Variants in DIP2A observed in about 807,000 individuals in gnomAD.
The protein encoded by DIP2A is DIP2 acetate--CoA ligase A.
In DIP2A, 85 loss-of-function variants were observed where a neutral mutation model predicts 177.4. The observed-to-expected ratio is 0.48, with a 90% confidence interval of 0.40 to 0.57. The LOEUF is 0.57. DIP2A is among the 20% of genes least tolerant of loss of function. The pLI, the probability that DIP2A is intolerant of heterozygous loss-of-function variation, is 0.00. For synonymous variants in DIP2A, 886 were observed against 881.8 expected, an observed-to-expected ratio of 1.00 and a Z score of -0.08; for missense variants, 1,791 against 2,100.2, an observed-to-expected ratio of 0.85 and a Z score of 2.88.
chr21:46,473,156 G>A (rs2055542623), intron 1 of DIP2A, among the ~76,000 whole-genome samples: 1 of 152,154 alleles, frequency 6.6e-6, no homozygotes, highest in Non-Finnish European at 1.5e-5. Flanking sequence ...ACAAAGGAGA[G>A]AAAATGAGCA....
chr21:46,482,178 A>G (rs2056386614), intron 1 of DIP2A, among the ~76,000 whole-genome samples: 3 of 152,262 alleles, frequency 2.0e-5, no homozygotes, highest in African/African-American at 7.2e-5. Flanking sequence ...CCAGTCAGGA[A>G]TGAAAGAGGC....
chr21:46,495,254 C>CTTCTT (rs2057286282), intron 3 of DIP2A, among the ~76,000 whole-genome samples: 4 of 106,662 alleles, frequency 3.8e-5, no homozygotes, highest in African/African-American at 2.4e-4. Context: ...TTCTCTCTCT[C>CTTCTT]TCTCTCTCTC....
Position 46,459,070 on chromosome 21 carries a change from G to A in DIP2A, c.-62G>A. 1 of 1,349,876 alleles carries A rather than the reference G, an allele frequency of 7.4e-7. No homozygotes were observed. 83.6% of individuals were successfully genotyped at this position (1,349,876 alleles called of 1,614,324 possible). A position where few individuals can be genotyped will look rare whatever the true frequency, so the allele number is the denominator to read the frequency against. On this transcript the variant is annotated 5_prime_UTR_variant, in exon 1 of 38. Coordinates refer to ENST00000417564, the MANE Select transcript of DIP2A (RefSeq NM_015151.4). ...GAGGGGAGCTACGTAGCCGAGGTTT[G>A]CGCTGCCGCCGCCAGGCCCGGTCCG...
chr21:46,529,029 A>G (rs1421094341), intron 8 of DIP2A, 63 bp from the exon 9 acceptor site: 1 of 1,125,490 alleles, frequency 8.9e-7, no homozygotes, highest in South Asian at 1.6e-5. Flanking sequence ...TGGTTTCTAC[A>G]TTAAAATGTT....
chr21:46,549,914 G>A lies in DIP2A; in HGVS notation c.2637+29G>A, dbSNP rs201345375. 2,562 of 1,606,596 alleles carry A rather than the reference G, an allele frequency of 1.6e-3. 2 individuals carry two copies. The highest frequency in any genetic ancestry group is 1.8e-3 in the Non-Finnish European group (2,064 of 1,179,382). Reference sequence around the variant, plus strand: ...GGCGCCCCGGCACGGCCTATGGTTCGGTGAATCTCCCAAGCTGGCACCCCC... The same window carrying A: ...GGCGCCCCGGCACGGCCTATGGTTCAGTGAATCTCCCAAGCTGGCACCCCC... On this transcript the variant is annotated intron_variant, in intron 22 of 37. Coordinates refer to ENST00000417564, the MANE Select transcript of DIP2A (RefSeq NM_015151.4).
Position 46,556,167 on chromosome 21 carries a change from A to G in DIP2A, c.3498+76A>G. 1 of 1,447,672 alleles carries G rather than the reference A, an allele frequency of 6.9e-7. No homozygotes were observed. The highest frequency in any genetic ancestry group is 1.2e-5 in the South Asian group (1 of 85,722). 89.7% of individuals were successfully genotyped at this position (1,447,672 alleles called of 1,614,324 possible). On this transcript the variant is annotated intron_variant, in intron 29 of 37. Transcript: ENST00000417564. The surrounding 1 kb of genome is among the most constrained non-coding windows in gnomAD (Gnocchi z 4.5). ...TGGACAGAAAGGATGTCAGATGCAG[A>G]TTTAAACTGACAGGTCCTTCTTATG...
intron 34 of DIP2A, among the ~76,000 whole-genome samples, chr21:46,562,209 G>C (rs573152720): frequency 5.9e-5 from 9 of 152,176 alleles, no homozygotes; most frequent in Non-Finnish European, 1.2e-4. Context: ...GGTGTCAGCA[G>C]GGAAGAGGCC....
chr21:46,481,190 G>A (rs1162360729), intron 1 of DIP2A, among the ~76,000 whole-genome samples: 3 of 152,074 alleles, frequency 2.0e-5, no homozygotes, highest in Admixed American at 6.6e-5. Context: ...TATCTTTTCC[G>A]AAATGTCATA....
intron 7 of DIP2A, among the ~76,000 whole-genome samples, chr21:46,510,542 C>A (rs1233903978): frequency 6.6e-6 from 1 of 151,704 alleles, no homozygotes; most frequent in African/African-American, 2.4e-5. Flanking sequence ...TTTGGTTATA[C>A]AGCTCCTAGA....
At chr21:46,558,719 T>C in intron 32 of DIP2A, 1 of 316,330 alleles carries the variant, frequency 3.2e-6, no homozygotes. Flanking sequence ...TATCTAGCAA[T>C]ATTAAATTGA....
rs2060671687 is a variant in DIP2A at position 46,561,734 on chromosome 21, C to T, written c.4032-14C>T. On this transcript the variant is annotated splice_polypyrimidine_tract_variant and intron_variant, in intron 33 of 37. Transcript: ENST00000417564. Reference sequence around the variant, plus strand: ...TAGTAAATTTTGTACTGAAATTGTTCCCTTAATTTTTAGGGTTCGTTTGGT... The same window carrying T: ...TAGTAAATTTTGTACTGAAATTGTTTCCTTAATTTTTAGGGTTCGTTTGGT... 6.2e-7 allele frequency: 1 copy of T among 1,613,898 alleles called. No individual in the cohort carries two copies.
At chr21:46,551,796 C>G (rs1210904630) in intron 24 of DIP2A, 28 bp from the exon 25 acceptor site, 1 of 1,612,974 alleles carries the variant, frequency 6.2e-7, no homozygotes, top group Non-Finnish European at 8.5e-7. Context: ...CCCGGAGGCG[C>G]CAGTGAGCAA....
At position 46,537,280 on chromosome 21, in the gene DIP2A, G is replaced by C. The variant is rs754663374; in HGVS notation, c.1699G>C (p.Val567Leu). 2 of 1,614,020 alleles carry C rather than the reference G, an allele frequency of 1.2e-6. No homozygotes were observed. The highest frequency in any genetic ancestry group is 3.3e-5 in the Admixed American group (2 of 60,030). Reference sequence around the variant, plus strand: ...AAGGGATGCTGGTCTGTGGCATGGCGTGTTAACAGTGAGTGTTGTTTGCTG... The same window carrying C: ...AAGGGATGCTGGTCTGTGGCATGGCCTGTTAACAGTGAGTGTTGTTTGCTG... ...FKRDAGLWHG[V>L]LTSVMNRMHV... is the part of the protein sequence containing the mutation. Residue 567 changes from valine to leucine, a missense_variant, in exon 14 of 38, where the codon GTG becomes CTG. Val to Leu is a conservative substitution (Grantham distance 32, BLOSUM62 1). Transcript: ENST00000417564. The surrounding 1 kb of genome is among the most constrained non-coding windows in gnomAD (Gnocchi z 4.1).
rs369363044 is a variant in DIP2A at position 46,554,714 on chromosome 21, G to A, written c.3276+18G>A. ...TCGTGGAGGTGCGCCTACCTGGCCC[G>A]CGGGTCAGAGTCTGTGAGTGGGAGG... On this transcript the variant is annotated intron_variant, in intron 27 of 37. Transcript: ENST00000417564. 75 of 1,556,258 alleles carry A rather than the reference G, an allele frequency of 4.8e-5. No individual in the cohort carries two copies. The African/African-American group carries it at 5.7e-4, about 12-fold the overall frequency.
In DIP2A at chr21:46,546,981, G is replaced by A; in HGVS notation, c.2461G>A (p.Ala821Thr). The change falls in exon 21 of 38, where the codon GCA (alanine) becomes ACA (threonine). Residue 821 changes from alanine (A) to threonine (T), a missense_variant. Transcript: ENST00000417564. ...GGTCACTGGAGTTCGCAGACACAATGCAGATGACGTTGTGGCCACCGCACT... is the reference window on the plus strand; with the variant it reads ...GGTCACTGGAGTTCGCAGACACAATACAGATGACGTTGTGGCCACCGCACT... ...LMVTGVRRHN[A>T]DDVVATALAV... is the part of the protein sequence containing the mutation. The A allele has an allele frequency of 6.2e-7, 1 of 1,613,996 alleles. No individual in the cohort carries two copies. Among genetic ancestry groups the A allele is most frequent in the Non-Finnish European group, 8.5e-7 (1 of 1,179,884 alleles).
At chr21:46,481,687 G>A (rs754228375) in intron 1 of DIP2A, among the ~76,000 whole-genome samples, 1 of 152,198 alleles carries the variant, frequency 6.6e-6, no homozygotes, top group Non-Finnish European at 1.5e-5. Context: ...TTATGGTTTT[G>A]TGTTTCCTAA....
At position 46,557,743 on chromosome 21, in the gene DIP2A, G is replaced by T; in HGVS notation, c.3788G>T (p.Gly1263Val). Residue 1263 changes from glycine (G) to valine (V), a missense_variant, in exon 31 of 38, where the codon GGT becomes GTT. By Grantham distance (109) the Gly-to-Val change is moderately radical. Coordinates refer to ENST00000417564, the MANE Select transcript of DIP2A (RefSeq NM_015151.4). This position sits in a 1 kb window ranked among gnomAD's most constrained non-coding sequence, Gnocchi z 6.0. ...ACCAAGGGCCTAGGCGCACAGACGG[G>T]TGTCCTCAGGGTGAGTGCCCAGACC... ...MCTKGLGAQT[G>V]VLRMKGVNLS... 1.2e-6 allele frequency: 2 copies of T among 1,609,488 alleles called. No individual in the cohort carries two copies. Among genetic ancestry groups the T allele is most frequent in the Non-Finnish European group, 1.7e-6 (2 of 1,176,370 alleles).
rs767769921 is a variant in DIP2A, at chr21:46,554,214, G to T, written c.3076G>T (p.Ala1026Ser). ...AACCTGTGTCCAGCTGCACAAAAGGGCTGAGAGAGTGGCCGCGGCTCTGAT... is the reference window on the plus strand; with the variant it reads ...AACCTGTGTCCAGCTGCACAAAAGGTCTGAGAGAGTGGCCGCGGCTCTGAT... ...TATCVQLHKR[A>S]ERVAAALMEK... The change falls in exon 26 of 38, where the codon GCT becomes TCT. Residue 1026 changes from alanine (A) to serine (S), a missense_variant. By Grantham distance (99) the Ala-to-Ser change is moderately conservative (BLOSUM62 1). Transcript: ENST00000417564. 9.9e-6 allele frequency: 16 copies of T among 1,613,962 alleles called. No homozygotes were observed. Among genetic ancestry groups the T allele is most frequent in the Non-Finnish European group, 1.4e-5 (16 of 1,179,860 alleles).
chr21:46,489,149 G>A (rs6518296), intron 2 of DIP2A, among the ~76,000 whole-genome samples: 24,231 of 152,190 alleles, frequency 0.16, 2,185 homozygotes, highest in African/African-American at 0.21. Context: ...ATATGTACAT[G>A]TGTATGCTCA....
Sources: allele counts gnomAD v4.1 joint callset (sites outside exome capture counted in the v4.1 genomes callset), GRCh38; gene constraint gnomAD v4.1.1; non-coding constraint Gnocchi (gnomAD v3.1); transcripts MANE v1.5; gene names NCBI Gene and HGNC (gene_info 2026-07-23, HGNC 2026-07-21).